The following PCDHA1 variants were observed in gnomAD, a reference collection of about 807,000 sequenced individuals.
The protein encoded by PCDHA1 is protocadherin alpha-1.
Under a neutral mutation model 61.3 loss-of-function variants are expected in PCDHA1, and 42 were observed. That is an observed-to-expected ratio of 0.69 (90% confidence interval 0.54 to 0.89). The LOEUF is 0.89. Ranked by LOEUF, PCDHA1 falls within the 40% of genes least tolerant of loss-of-function variation. The pLI, the probability that PCDHA1 is intolerant of heterozygous loss-of-function variation, is 0.00. For synonymous variants in PCDHA1, 610 were observed against 553.8 expected (o/e 1.10, Z -1.43); for missense variants, 1,256 against 1,235.3 (o/e 1.02, Z -0.25).
intron 1 of PCDHA1, chr5:140,805,226 G>T: frequency 1.4e-6 from 2 of 1,394,074 alleles, no homozygotes; most frequent in Non-Finnish European, 1.9e-6. Context: ...TTTCTATTCT[G>T]CTGCATTCCC....
chr5:140,856,693 T>C (rs374352563), intron 1 of PCDHA1: 9 of 1,596,766 alleles, frequency 5.6e-6, no homozygotes, highest in African/African-American at 4.0e-5. Flanking sequence ...CAGCAACTGA[T>C]GGAGGCAAAC....
At chr5:140,850,765 G>A (rs2150497510) in intron 1 of PCDHA1, 1 of 1,598,120 alleles carries the variant, frequency 6.3e-7, no homozygotes, top group Admixed American at 1.7e-5. Flanking sequence ...AGGAGGCAGA[G>A]GGTGTGCTCT....
intron 1 of PCDHA1, chr5:140,803,316 G>A: frequency 6.2e-7 from 1 of 1,614,138 alleles, no homozygotes; most frequent in South Asian, 1.1e-5. Context: ...CATCTGCGCG[G>A]TGTCCAGTCT....
chr5:140,967,433 C>A, intron 1 of PCDHA1: 1 of 1,613,500 alleles, frequency 6.2e-7, no homozygotes, highest in Non-Finnish European at 8.5e-7. Context: ...GGCAGCCTTG[C>A]ACCACCTGGT....
intron 1 of PCDHA1, among the ~76,000 whole-genome samples, chr5:140,939,514 A>G (rs1280466076): frequency 2.0e-5 from 3 of 152,236 alleles, no homozygotes; most frequent in African/African-American, 7.2e-5. Flanking sequence ...TATAACATTA[A>G]TAGTTATAGA....
rs2150162477 is a variant in PCDHA1, at chr5:140,829,090, T to C, written c.2394+40406T>C. On this transcript the variant is annotated intron_variant, in intron 1 of 3. Transcript: ENST00000504120. ...AAGGCCATCCTCCCATGGCGGGTCA[T>C]TGCACCGTTTTAGTGAGAATTTTGG... is the stretch of plus-strand genomic sequence containing the variant. The C allele has an allele frequency of 2.5e-6, 4 of 1,611,416 alleles. No homozygotes were observed. In the South Asian group the frequency reaches 4.4e-5, roughly 18 times the overall value.
chr5:140,909,164 A>T (rs2074347084), intron 1 of PCDHA1, among the ~76,000 whole-genome samples: 1 of 152,238 alleles, frequency 6.6e-6, no homozygotes, highest in South Asian at 2.1e-4. Context: ...AGGGAAAATC[A>T]ATCAAGTTCT....
intron 3 of PCDHA1, among the ~76,000 whole-genome samples, chr5:141,007,447 A>T (rs2153992021): frequency 6.6e-6 from 1 of 151,258 alleles, no homozygotes; most frequent in South Asian, 2.1e-4. Flanking sequence ...ATGTGCCTGT[A>T]GTCCCAGCTA....
intron 1 of PCDHA1, chr5:140,927,510 G>A: frequency 1.9e-6 from 3 of 1,614,090 alleles, no homozygotes; most frequent in Non-Finnish European, 2.5e-6. Flanking sequence ...TTACAGCTCG[G>A]GACGGCGGGC....
chr5:140,884,233 T>A (rs782019323), intron 1 of PCDHA1: 1 of 1,613,364 alleles, frequency 6.2e-7, no homozygotes. Flanking sequence ...AGGACCACGG[T>A]GAGCCCGCGC....
chr5:140,973,388 G>T (rs1192097180), intron 1 of PCDHA1, among the ~76,000 whole-genome samples: 4 of 152,202 alleles, frequency 2.6e-5, no homozygotes, highest in South Asian at 4.1e-4. Flanking sequence ...AATAGACAAA[G>T]AAATCATATC....
intron 1 of PCDHA1, among the ~76,000 whole-genome samples, chr5:140,826,287 CT>C (rs1768883103): frequency 6.6e-6 from 1 of 152,006 alleles, no homozygotes; most frequent in South Asian, 2.1e-4. Flanking sequence ...TGCAGCTTGT[CT>C]TTTTTATAGG....
intron 1 of PCDHA1, chr5:140,929,483 G>A: frequency 8.4e-7 from 1 of 1,192,950 alleles, no homozygotes; most frequent in Non-Finnish European, 1.1e-6. Context: ...AAGTATAGAA[G>A]TATTAGAAGA....
chr5:140,846,963 T>C (rs1458103794), intron 1 of PCDHA1, among the ~76,000 whole-genome samples: 3 of 149,600 alleles, frequency 2.0e-5, no homozygotes, highest in African/African-American at 7.3e-5. Context: ...TGTGTTTCAG[T>C]GGTTTTAAAA....
At chr5:140,876,192 G>A (rs782181168) in intron 1 of PCDHA1, 6 of 1,613,732 alleles carry the variant, frequency 3.7e-6, no homozygotes, top group African/African-American at 1.3e-5. Context: ...ACAATGGTCC[G>A]GCGTTTGATA....
chr5:140,961,278 C>T (rs1205288915), intron 1 of PCDHA1, among the ~76,000 whole-genome samples: 1 of 152,192 alleles, frequency 6.6e-6, no homozygotes, highest in Non-Finnish European at 1.5e-5. Context: ...TTTACCATGG[C>T]TCTGTTTCTT....
chr5:140,989,509 T>G (rs1554250840), intron 3 of PCDHA1, among the ~76,000 whole-genome samples: 1 of 152,196 alleles, frequency 6.6e-6, no homozygotes, highest in African/African-American at 2.4e-5. Context: ...GCTTATAACC[T>G]GAGTTGAGGG....
At chr5:140,967,001 A>G (rs1048933252) in intron 1 of PCDHA1, 5 of 1,605,060 alleles carry the variant, frequency 3.1e-6, no homozygotes, top group East Asian at 2.2e-5. Flanking sequence ...TTGCTTGCGC[A>G]TCAACCATCT....
intron 1 of PCDHA1, among the ~76,000 whole-genome samples, chr5:140,930,708 C>T (rs1554208021): frequency 2.0e-5 from 3 of 152,088 alleles, no homozygotes; most frequent in Admixed American, 2.0e-4. Flanking sequence ...AGTTATTCTT[C>T]CTCAAGTAAT....
Sources: gnomAD v4.1 joint callset for allele counts (sites outside exome capture counted in the v4.1 genomes callset) on GRCh38, gnomAD v4.1.1 for gene constraint, MANE v1.5 for transcripts, NCBI Gene and HGNC (gene_info 2026-07-23, HGNC 2026-07-21) for gene names.